The following TTC23 variants were observed in gnomAD, a reference collection of about 807,000 sequenced individuals.
TTC23 encodes tetratricopeptide repeat protein 23.
In TTC23, 58 loss-of-function variants were observed where a neutral mutation model predicts 55.1. That is an observed-to-expected ratio of 1.05 (90% CI 0.85 to 1.31). The LOEUF is 1.31. TTC23 is among the 50% of genes most tolerant of loss of function. The pLI is 0.00. For synonymous variants in TTC23, 203 were observed against 199.9 expected, an observed-to-expected ratio of 1.02 and a Z score of -0.13; for missense variants, 516 against 534.4, an observed-to-expected ratio of 0.97 and a Z score of 0.34.
chr15:99,202,755 G>A (rs932588349), intron 8 of TTC23, among the ~76,000 whole-genome samples: 1 of 152,138 alleles, frequency 6.6e-6, no homozygotes, highest in African/African-American at 2.4e-5. Flanking sequence ...AACAGAAAAT[G>A]AGAGGCAGGA....
At chr15:99,239,920 G>A (rs1349543187) in intron 3 of TTC23, among the ~76,000 whole-genome samples, 2 of 152,150 alleles carry the variant, frequency 1.3e-5, no homozygotes, top group African/African-American at 2.4e-5. Context: ...TATAAATAAA[G>A]ACGATGAAAT....
intron 8 of TTC23, among the ~76,000 whole-genome samples, chr15:99,209,177 A>C (rs1352399083): frequency 6.6e-6 from 1 of 152,234 alleles, no homozygotes; most frequent in Non-Finnish European, 1.5e-5. Context: ...AACAAGCAAT[A>C]AACAAATGCA....
chr15:99,207,624 G>A (rs555771524), intron 8 of TTC23, among the ~76,000 whole-genome samples: 5 of 152,280 alleles, frequency 3.3e-5, no homozygotes, highest in South Asian at 4.1e-4. Context: ...GGGCCTGGTG[G>A]CATGTGCCTG....
intron 8 of TTC23, among the ~76,000 whole-genome samples, chr15:99,210,718 G>T (rs2076975619): frequency 6.6e-6 from 1 of 152,194 alleles, no homozygotes; most frequent in Non-Finnish European, 1.5e-5. Context: ...AGTCCAGAAA[G>T]CAAAAGTTAG....
At chr15:99,222,295 G>T (rs1352827215) in intron 5 of TTC23, among the ~76,000 whole-genome samples, 2 of 152,020 alleles carry the variant, frequency 1.3e-5, no homozygotes, top group African/African-American at 4.8e-5. Context: ...ATGAGACAGG[G>T]TCTCACTCAC....
intron 10 of TTC23, among the ~76,000 whole-genome samples, chr15:99,165,554 G>A (rs1465913827): frequency 1.3e-5 from 2 of 152,204 alleles, no homozygotes; most frequent in African/African-American, 2.4e-5. Context: ...AGTGCCAGCT[G>A]GCCCTGGGGT....
chr15:99,239,760 G>C (rs1184710713), intron 3 of TTC23, among the ~76,000 whole-genome samples: 1 of 152,180 alleles, frequency 6.6e-6, no homozygotes, highest in Admixed American at 6.5e-5. Context: ...GAGAATCTGA[G>C]ATTCAAGAAC....
At chr15:99,175,018 G>C (rs745688301) in intron 10 of TTC23, 32 bp downstream of exon 10, 1 of 1,605,178 alleles carries the variant, frequency 6.2e-7, no homozygotes, top group Non-Finnish European at 8.5e-7. Context: ...CCAGATGCCT[G>C]TGAGACAGGA....
chr15:99,156,206 AG>A lies in TTC23; in HGVS notation c.1084del (p.Leu362TrpfsTer18). ...CCCCTGCGCCAGGTCTGCTCCTCCC[AG>A]GAGCCGGTATGTCTCTGCCACCTCG... is the stretch of plus-strand genomic sequence containing the variant. ...SPEVAETYRL[L>X]GGADLAQGNH... On this transcript the variant is annotated frameshift_variant, in exon 12 of 14. Transcript: ENST00000394132. LOFTEE classifies it high-confidence loss of function. 1 of 1,614,250 alleles carries A rather than the reference AG, an allele frequency of 6.2e-7. No individual in the cohort carries two copies. The highest frequency in any genetic ancestry group is 1.1e-5 in the South Asian group (1 of 91,088).
chr15:99,238,813 GT>G (rs2079533144), intron 3 of TTC23, among the ~76,000 whole-genome samples: 1 of 152,200 alleles, frequency 6.6e-6, no homozygotes, highest in African/African-American at 2.4e-5. Context: ...GGGTAAACAG[GT>G]CTTCTCAAAA....
At chr15:99,242,133 G>GA (rs35988389) in intron 2 of TTC23, among the ~76,000 whole-genome samples, 24 of 134,624 alleles carry the variant, frequency 1.8e-4, no homozygotes, top group Admixed American at 3.0e-4. Flanking sequence ...TCCTGTCTCA[G>GA]AAAAAAAAAA....
intron 8 of TTC23, among the ~76,000 whole-genome samples, chr15:99,210,984 C>T (rs572151362): frequency 6.6e-6 from 1 of 152,254 alleles, no homozygotes; most frequent in South Asian, 2.1e-4. Context: ...ATCCCCTTTC[C>T]TTTTGGAAAA....
chr15:99,211,220 C>T (rs1017559377), intron 8 of TTC23, among the ~76,000 whole-genome samples: 3 of 152,012 alleles, frequency 2.0e-5, no homozygotes, highest in Non-Finnish European at 4.4e-5. Context: ...ACTAAAAATA[C>T]AAAAATTAGC....
At chr15:99,208,648 AC>A (rs1408048333) in intron 8 of TTC23, among the ~76,000 whole-genome samples, 1 of 152,210 alleles carries the variant, frequency 6.6e-6, no homozygotes, top group East Asian at 1.9e-4. Context: ...AATGCAACCC[AC>A]AATGAGCCTT....
intron 5 of TTC23, among the ~76,000 whole-genome samples, chr15:99,223,511 T>G (rs906023035): frequency 2.0e-5 from 3 of 152,198 alleles, no homozygotes; most frequent in Admixed American, 2.0e-4. Flanking sequence ...AATCAAGCCC[T>G]GCTCACACCT....
intron 10 of TTC23, among the ~76,000 whole-genome samples, chr15:99,169,777 G>A (rs1180715768): frequency 6.6e-6 from 1 of 152,176 alleles, no homozygotes; most frequent in South Asian, 2.1e-4. Flanking sequence ...AGTGGGGGCG[G>A]GGGAGATATA....
intron 8 of TTC23, among the ~76,000 whole-genome samples, chr15:99,218,226 A>G (rs1355469964): frequency 6.6e-6 from 1 of 152,226 alleles, no homozygotes; most frequent in Non-Finnish European, 1.5e-5. Context: ...GGCTTTCATC[A>G]TAAACTCAAC....
At chr15:99,178,235 A>C (rs1279412735) in intron 9 of TTC23, among the ~76,000 whole-genome samples, 1 of 152,228 alleles carries the variant, frequency 6.6e-6, no homozygotes, top group Non-Finnish European at 1.5e-5. Context: ...TGAATTTATC[A>C]CAAAATTTTC....
rs34271192 is a variant in TTC23, at chr15:99,234,940, T to TA, written c.-21+47dup. The TA allele has an allele frequency of 2.0e-3, 283 of 143,790 alleles. 3 individuals carry two copies. Among genetic ancestry groups the TA allele is most frequent in the Admixed American group, 4.3e-3 (61 of 14,320 alleles). The allele number at this position is 143,790 out of a possible 1,614,324, so 8.9% of individuals were successfully genotyped here. A position where few individuals can be genotyped will look rare whatever the true frequency, so the allele number is the denominator to read the frequency against. On this transcript the variant is annotated intron_variant, in intron 4 of 13. Transcript: ENST00000394132. The stretch of plus-strand genomic sequence containing the variant: ...CTTTGGAAAACAGTTTGGCAGGGTT[T>TA]AAAAAAAAAAAAACTGGTAAAATAA...
Sources: allele counts gnomAD v4.1 joint callset (sites outside exome capture counted in the v4.1 genomes callset), GRCh38; gene constraint gnomAD v4.1.1; transcripts MANE v1.5; gene names NCBI Gene and HGNC (gene_info 2026-07-23, HGNC 2026-07-21).